CYP2J2: variants seen among roughly 807,000 people sequenced by gnomAD.
CYP2J2 encodes the protein cytochrome P450 2J2.
CYP2J2 carries 41 observed loss-of-function variants against 48.8 expected under a neutral mutation model. The observed-to-expected ratio is 0.84, with a 90% CI of 0.66 to 1.09. The LOEUF (loss-of-function observed/expected upper bound fraction) is 1.09. Among genes scored for constraint, CYP2J2 ranks in the 50% least tolerant of loss-of-function variants. CYP2J2 has a pLI of 0.00. For missense variants in CYP2J2, 644 were observed against 617.3 expected (o/e 1.04, Z -0.46); for synonymous variants, 221 against 227.1 (o/e 0.97, Z 0.24).
chr1:59,928,507 C>A (rs1478208811), upstream of CYP2J2, among the ~76,000 whole-genome samples: 1 of 152,164 alleles, frequency 6.6e-6, no homozygotes, highest in Non-Finnish European at 1.5e-5. Flanking sequence ...AACACTTTCC[C>A]TAGCTCTCAA....
the CYP2J2 span, among the ~76,000 whole-genome samples, chr1:59,944,345 G>A: frequency 6.6e-5 from 10 of 152,042 alleles, no homozygotes; most frequent in African/African-American, 2.2e-4. Flanking sequence ...GCCTCAGCTC[G>A]CCAAGTAGCT....
chr1:59,947,402 C>T, the CYP2J2 span, among the ~76,000 whole-genome samples: 7 of 152,280 alleles, frequency 4.6e-5, no homozygotes, highest in South Asian at 8.3e-4. Context: ...CCCCTTAAGA[C>T]AGGCAATATA....
At chr1:59,901,518 A>T (rs1644319756) in intron 7 of CYP2J2, among the ~76,000 whole-genome samples, 1 of 152,148 alleles carries the variant, frequency 6.6e-6, no homozygotes, top group Non-Finnish European at 1.5e-5. Flanking sequence ...GGTAAAAGAC[A>T]TCTCATTCAT....
chr1:59,969,158 T>C, the CYP2J2 span, among the ~76,000 whole-genome samples: 1 of 152,200 alleles, frequency 6.6e-6, no homozygotes, highest in South Asian at 2.1e-4. Flanking sequence ...GAAGATTTAT[T>C]GCAAACAGAG....
the CYP2J2 span, among the ~76,000 whole-genome samples, chr1:59,952,474 T>C: frequency 1.3e-5 from 2 of 152,088 alleles, no homozygotes; most frequent in South Asian, 2.1e-4. Flanking sequence ...GAAGACAACA[T>C]ACAGAATGCC....
the CYP2J2 span, among the ~76,000 whole-genome samples, chr1:59,961,308 A>T: frequency 2.6e-5 from 4 of 152,200 alleles, no homozygotes; most frequent in East Asian, 3.8e-4. Context: ...CACAATTAAA[A>T]ATGAGGAAAG....
chr1:59,915,716 A>C (rs1019571388), intron 2 of CYP2J2, among the ~76,000 whole-genome samples: 2 of 152,192 alleles, frequency 1.3e-5, no homozygotes. Flanking sequence ...TGGGCAGGGC[A>C]TGTGGTTTCT....
At chr1:59,951,878 C>A in the CYP2J2 span, among the ~76,000 whole-genome samples, 6 of 152,174 alleles carry the variant, frequency 3.9e-5, no homozygotes, top group African/African-American at 1.4e-4. Flanking sequence ...TGTTTTTGAC[C>A]CTATTGCCCT....
the CYP2J2 span, among the ~76,000 whole-genome samples, chr1:59,956,038 T>A: frequency 3.3e-5 from 5 of 152,250 alleles, no homozygotes; most frequent in Admixed American, 3.3e-4. Flanking sequence ...TACAGAGATG[T>A]ATACATATGC....
chr1:59,949,275 A>C, the CYP2J2 span, among the ~76,000 whole-genome samples: 7 of 152,136 alleles, frequency 4.6e-5, no homozygotes. Flanking sequence ...TTTGTCTGCT[A>C]TGGATTTCTA....
At chr1:59,928,557 A>G (rs922705049), upstream of CYP2J2, among the ~76,000 whole-genome samples, 2 of 152,210 alleles carry the variant, frequency 1.3e-5, no homozygotes, top group African/African-American at 4.8e-5. Context: ...AAAAACTGCC[A>G]GCATTTCTTA....
At chr1:59,944,658 A>G in the CYP2J2 span, among the ~76,000 whole-genome samples, 1 of 152,236 alleles carries the variant, frequency 6.6e-6, no homozygotes. Flanking sequence ...GTACAAGAAT[A>G]TCTGTTTCTT....
the CYP2J2 span, among the ~76,000 whole-genome samples, chr1:59,942,709 G>A: frequency 6.6e-6 from 1 of 152,118 alleles, no homozygotes; most frequent in Non-Finnish European, 1.5e-5. Context: ...GATGGCATTG[G>A]CTTAGATTAG....
chr1:59,951,817 G>A, the CYP2J2 span, among the ~76,000 whole-genome samples: 2 of 152,104 alleles, frequency 1.3e-5, no homozygotes, highest in African/African-American at 4.8e-5. Context: ...CTGGCCCTTG[G>A]TGTAATACCA....
the CYP2J2 span, among the ~76,000 whole-genome samples, chr1:59,946,945 C>T: frequency 4.6e-5 from 7 of 151,370 alleles, no homozygotes; most frequent in African/African-American, 1.7e-4. Flanking sequence ...ACTTCTGAAG[C>T]ATTTTAAAAG....
chr1:59,957,135 T>G, the CYP2J2 span, among the ~76,000 whole-genome samples: 2 of 152,224 alleles, frequency 1.3e-5, no homozygotes, highest in South Asian at 4.1e-4. Flanking sequence ...TAATTGTTTT[T>G]GTTTTTAAAC....
At chr1:59,933,110 T>A in the CYP2J2 span, among the ~76,000 whole-genome samples, 1 of 152,240 alleles carries the variant, frequency 6.6e-6, no homozygotes, top group African/African-American at 2.4e-5. Context: ...AGAAAAATTC[T>A]ATTATAAGGT....
chr1:59,950,314 T>C, the CYP2J2 span, among the ~76,000 whole-genome samples: 73 of 152,306 alleles, frequency 4.8e-4, 1 homozygote, highest in Middle Eastern at 3.4e-3. Context: ...TTTTGTGAGC[T>C]GTCAAGACCA....
chr1:59,940,743 T>C, the CYP2J2 span, among the ~76,000 whole-genome samples: 1 of 152,166 alleles, frequency 6.6e-6, no homozygotes, highest in African/African-American at 2.4e-5. Flanking sequence ...TAGACAAGTG[T>C]CCATCAATAG....
Sources: allele counts gnomAD v4.1 joint callset (sites outside exome capture counted in the v4.1 genomes callset), GRCh38; gene constraint gnomAD v4.1.1; transcripts MANE v1.5; gene names NCBI Gene and HGNC (gene_info 2026-07-23, HGNC 2026-07-21).